Variants in ANO1 observed in about 807,000 individuals in gnomAD.
The protein encoded by ANO1 is anoctamin-1.
In ANO1, 59 loss-of-function variants were observed where a neutral mutation model predicts 124.0. That is an observed-to-expected ratio of 0.48 (90% confidence interval 0.39 to 0.59). ANO1 has a LOEUF of 0.59. Among genes scored for constraint, ANO1 ranks in the 20% least tolerant of loss-of-function variants. ANO1 has a pLI of 0.00. For missense variants in ANO1, 1,059 were observed against 1,328.0 expected (o/e 0.80, Z 3.15); for synonymous variants, 529 against 532.0 (o/e 0.99, Z 0.08).
At chr11:70,065,813 TTG>T (rs782170820) in intron 1 of ANO1, among the ~76,000 whole-genome samples, 3 of 152,168 alleles carry the variant, frequency 2.0e-5, no homozygotes, top group Non-Finnish European at 2.9e-5. Context: ...CTCCCCAGTC[TTG>T]TCAGGGCTGG....
At chr11:70,180,079 G>A (rs1376924668) in intron 23 of ANO1, 23 bp downstream of exon 23, 2 of 1,607,302 alleles carry the variant, frequency 1.2e-6, no homozygotes, top group Non-Finnish European at 1.7e-6. Context: ...AGGGACCTTG[G>A]CAGAATGGAA....
the ANO1 span, among the ~76,000 whole-genome samples, chr11:69,966,023 T>A: frequency 6.6e-6 from 1 of 151,898 alleles, no homozygotes; most frequent in Non-Finnish European, 1.5e-5. Flanking sequence ...CTTCATGAGA[T>A]GGAGATATAC....
chr11:70,017,134 C>T lies in ANO1; in HGVS notation c.58+30968C>T, dbSNP rs989907501. Among the ~76,000 whole-genome samples the T allele has an allele frequency of 7.2e-5, 11 of 152,206 alleles. No homozygotes were observed. The South Asian group carries it at 2.3e-3, about 32-fold the overall frequency. On this transcript the variant is annotated intron_variant, in intron 1 of 27. Coordinates refer to the ANO1 transcript ENST00000531349. ...TGTTTGATGAATGAACAAAATCCCA[C>T]GCGGGCCAAGGTGTGTCTTCTCTCC...
intron 20 of ANO1, among the ~76,000 whole-genome samples, chr11:70,165,826 G>T (rs2048235175): frequency 6.6e-6 from 1 of 152,064 alleles, no homozygotes; most frequent in East Asian, 1.9e-4. Flanking sequence ...ATCAAGACCA[G>T]CCTAAGCACA....
intron 1 of ANO1, among the ~76,000 whole-genome samples, chr11:70,059,737 G>A (rs1416775452): frequency 4.6e-5 from 7 of 152,234 alleles, no homozygotes; most frequent in African/African-American, 1.4e-4. Context: ...TGTATCCCAC[G>A]TAGAAGTGAT....
chr11:70,085,332 C>A, intron 1 of ANO1: 13 of 1,393,518 alleles, frequency 9.3e-6, no homozygotes, highest in Admixed American at 2.6e-5. Context: ...CCTGAGCCCT[C>A]CCAAGCCACC....
intron 1 of ANO1, among the ~76,000 whole-genome samples, chr11:70,054,507 C>A (rs1311686918): frequency 6.6e-6 from 1 of 152,182 alleles, no homozygotes; most frequent in Non-Finnish European, 1.5e-5. Context: ...GTCTGAGACT[C>A]CTAAATTTGA....
At position 70,188,835 on chromosome 11, in the gene ANO1, A is replaced by C. The variant is rs888718082; in HGVS notation, c.*831A>C. ...TTTCCACAGATGGTGTCAGGGTTTC[A>C]AGAAGTCTTAGGGCTTCCAGGGGTC... is the stretch of plus-strand genomic sequence containing the variant. On this transcript the variant is annotated 3_prime_UTR_variant, in exon 26 of 26. Transcript: ENST00000355303. 2.0e-5 allele frequency: 3 copies of C among 152,138 alleles called. No homozygotes were observed. Among genetic ancestry groups the C allele is most frequent in the Non-Finnish European group, 4.4e-5 (3 of 67,890 alleles). The allele number at this position is 152,138 out of a possible 1,614,324, so 9.4% of individuals were successfully genotyped here.
chr11:70,025,480 T>C (rs1856877962), intron 1 of ANO1, among the ~76,000 whole-genome samples: 1 of 151,766 alleles, frequency 6.6e-6, no homozygotes, highest in African/African-American at 2.4e-5. Flanking sequence ...ATGGTGGTGA[T>C]GGAGGTGATG....
Position 70,111,858 on chromosome 11 carries a change from C to A in ANO1, c.855+96C>A. ...CCGGGAGCTGCAATTATCCTGTGGT[C>A]ACAGCTTCCTGCTTGGCTCTCGCTG... On this transcript the variant is annotated intron_variant, in intron 7 of 25. Coordinates refer to ENST00000355303, the MANE Select transcript of ANO1 (RefSeq NM_018043.7). 3 of 1,253,426 alleles carry A rather than the reference C, an allele frequency of 2.4e-6. No homozygotes were observed. In the South Asian group the frequency reaches 3.7e-5, roughly 15 times the overall value. 77.6% of individuals were successfully genotyped at this position (1,253,426 alleles called of 1,614,324 possible).
At chr11:70,110,184 CTTT>C (rs923690897) in intron 6 of ANO1, among the ~76,000 whole-genome samples, 1 of 118,078 alleles carries the variant, frequency 8.5e-6, no homozygotes, top group Non-Finnish European at 1.7e-5. Flanking sequence ...TGTTCACTTT[CTTT>C]TTTTTTTTTT....
intron 7 of ANO1, 32 bp downstream of exon 7, chr11:70,111,794 C>T (rs145221175): frequency 1.6e-4 from 260 of 1,610,476 alleles, no homozygotes; most frequent in Non-Finnish European, 2.1e-4. Context: ...TTTATCTCTG[C>T]GTCATTTGAC....
intron 21 of ANO1, 77 bp from the exon 22 acceptor site, chr11:70,170,810 G>A (rs1590914822): frequency 1.3e-5 from 20 of 1,525,494 alleles, no homozygotes; most frequent in African/African-American, 4.1e-5. Flanking sequence ...TGTGCGGCTC[G>A]GCACACGGGG....
At chr11:70,033,043 A>C (rs554051373) in intron 1 of ANO1, among the ~76,000 whole-genome samples, 1 of 152,298 alleles carries the variant, frequency 6.6e-6, no homozygotes, top group South Asian at 2.1e-4. Context: ...AAATTTGCAC[A>C]GGTCCCTTTA....
chr11:70,182,822 A>C, intron 24 of ANO1, 136 bp downstream of exon 24: 3 of 913,482 alleles, frequency 3.3e-6, no homozygotes, highest in Non-Finnish European at 3.1e-6. Context: ...GAAGGAAAAA[A>C]AAAAAGGCTG....
chr11:70,138,289 G>T (rs2135556376), intron 11 of ANO1, among the ~76,000 whole-genome samples: 1 of 141,868 alleles, frequency 7.0e-6, no homozygotes, highest in Non-Finnish European at 1.5e-5. Flanking sequence ...AGGTTGCAGT[G>T]AGCCAAGATC....
intron 1 of ANO1, among the ~76,000 whole-genome samples, chr11:70,047,755 G>T (rs797043723): frequency 4.3e-4 from 65 of 152,294 alleles, no homozygotes; most frequent in African/African-American, 1.5e-3. Context: ...AAAAATGGAG[G>T]CATCAGCATC....
At chr11:70,077,292 G>A (rs2044074106), upstream of ANO1, among the ~76,000 whole-genome samples, 1 of 152,210 alleles carries the variant, frequency 6.6e-6, no homozygotes, top group South Asian at 2.1e-4. Context: ...TAGACAGGAA[G>A]GCCTGCATAT....
rs529817298 is a variant in ANO1 at position 70,182,379 on chromosome 11, C to T, written c.2404-123C>T. On this transcript the variant is annotated intron_variant, in intron 23 of 25. Coordinates refer to ENST00000355303, the MANE Select transcript of ANO1 (RefSeq NM_018043.7). ...ATGCCGAGGCTGTGCGGCTATGGTC[C>T]CCGCCAGAGGCAGTGGCATATGGCC... is the stretch of plus-strand genomic sequence containing the variant. The T allele has an allele frequency of 9.2e-5, 72 of 781,394 alleles. No individual in the cohort carries two copies. In the African/African-American group the frequency reaches 1.2e-3, roughly 13 times the overall value. 48.4% of individuals were successfully genotyped at this position (781,394 alleles called of 1,614,324 possible). A position where few individuals can be genotyped will look rare whatever the true frequency, so the allele number is the denominator to read the frequency against.
Sources: gnomAD v4.1 joint callset for allele counts (sites outside exome capture counted in the v4.1 genomes callset) on GRCh38, gnomAD v4.1.1 for gene constraint, MANE v1.5 for transcripts, NCBI Gene and HGNC (gene_info 2026-07-23, HGNC 2026-07-21) for gene names.